The following HDAC9 variants were observed in gnomAD, a reference collection of about 807,000 sequenced individuals.
The protein encoded by HDAC9 is MEF-2 interacting transcription repressor (MITR) protein.
Under a neutral mutation model 139.4 loss-of-function variants are expected in HDAC9, and 41 were observed. The observed-to-expected ratio is 0.29, with a 90% confidence interval of 0.23 to 0.38. The LOEUF (loss-of-function observed/expected upper bound fraction) is 0.38. Ranked by LOEUF, HDAC9 falls within the 10% of genes least tolerant of loss-of-function variation. The probability of loss-of-function intolerance (pLI) is 1.00; values close to 1 mark genes in which losing one functional copy is unlikely to be tolerated. For synonymous variants in HDAC9, 517 were observed against 476.2 expected (o/e 1.09, Z -1.12); for missense variants, 1,147 against 1,297.0 (o/e 0.88, Z 1.78).
intron 2 of HDAC9, among the ~76,000 whole-genome samples, chr7:18,212,694 C>T (rs942139165): frequency 6.6e-6 from 1 of 152,144 alleles, no homozygotes; most frequent in African/African-American, 2.4e-5. Context: ...GTGTTCCTCC[C>T]TTGAGATACT....
At chr7:18,979,563 C>T (rs930873455) in intron 25 of HDAC9, among the ~76,000 whole-genome samples, 2 of 152,098 alleles carry the variant, frequency 1.3e-5, no homozygotes, top group African/African-American at 2.4e-5. Flanking sequence ...GCTGTTCTTG[C>T]ATTGCTATTA....
At chr7:18,195,812 G>A (rs186060034) in intron 2 of HDAC9, among the ~76,000 whole-genome samples, 404 of 152,038 alleles carry the variant, frequency 2.7e-3, no homozygotes, top group South Asian at 7.5e-3. Context: ...TATGTTTGCC[G>A]TTATGTATAA....
At chr7:18,716,030 G>A (rs909606053) in intron 12 of HDAC9, among the ~76,000 whole-genome samples, 1 of 152,134 alleles carries the variant, frequency 6.6e-6, no homozygotes, top group Admixed American at 6.5e-5. Flanking sequence ...CTCTCGTTAT[G>A]ATATTTTATA....
intron 12 of HDAC9, among the ~76,000 whole-genome samples, chr7:18,688,034 C>G (rs1233900540): frequency 6.6e-6 from 1 of 151,756 alleles, no homozygotes; most frequent in African/African-American, 2.4e-5. Context: ...ACTCCACAAA[C>G]AGCCCATATA....
At chr7:18,257,118 A>ATGTGTGTGTGTG (rs150400645) in intron 2 of HDAC9, among the ~76,000 whole-genome samples, 1 of 95,194 alleles carries the variant, frequency 1.1e-5, no homozygotes, top group South Asian at 3.1e-4. Flanking sequence ...GTGTGCATGT[A>ATGTGTGTGTGTG]TGTGTGTGTG....
intron 22 of HDAC9, among the ~76,000 whole-genome samples, chr7:18,913,789 G>A (rs1802946477): frequency 6.6e-6 from 1 of 151,978 alleles, no homozygotes; most frequent in Non-Finnish European, 1.5e-5. Context: ...AGTTAAGGAT[G>A]AAGCATCCAC....
intron 1 of HDAC9, among the ~76,000 whole-genome samples, chr7:18,473,016 T>A (rs1437652987): frequency 6.6e-6 from 1 of 152,212 alleles, no homozygotes; most frequent in African/African-American, 2.4e-5. Flanking sequence ...TAGACTCACC[T>A]GTCTGGGATA....
intron 22 of HDAC9, among the ~76,000 whole-genome samples, chr7:18,889,838 C>T (rs1428879877): frequency 1.3e-5 from 2 of 152,172 alleles, no homozygotes; most frequent in African/African-American, 2.4e-5. Flanking sequence ...GCTAGCACTA[C>T]CGGCCTGTGA....
At chr7:18,286,304 A>G (rs1331836974), upstream of HDAC9, among the ~76,000 whole-genome samples, 4 of 151,550 alleles carry the variant, frequency 2.6e-5, no homozygotes, top group Admixed American at 1.3e-4. Flanking sequence ...ACCAGTTACC[A>G]TGGTTCAATT....
At chr7:18,969,850 T>C (rs956968627) in intron 24 of HDAC9, among the ~76,000 whole-genome samples, 4 of 152,194 alleles carry the variant, frequency 2.6e-5, no homozygotes, top group Admixed American at 6.5e-5. Flanking sequence ...ATTTAACTTA[T>C]TTGTGTTACA....
chr7:18,733,226 C>T (rs1223547933), intron 13 of HDAC9, among the ~76,000 whole-genome samples: 1 of 146,832 alleles, frequency 6.8e-6, no homozygotes, highest in Non-Finnish European at 1.5e-5. Context: ...TACGTATATA[C>T]ACATATATAC....
At chr7:18,977,080 A>T (rs188926765) in intron 25 of HDAC9, among the ~76,000 whole-genome samples, 1 of 152,360 alleles carries the variant, frequency 6.6e-6, no homozygotes, top group Non-Finnish European at 1.5e-5. Flanking sequence ...ATTTTCTCTT[A>T]CCATAACCAC....
chr7:18,827,186 A>G (rs2129204417), intron 17 of HDAC9, among the ~76,000 whole-genome samples: 1 of 152,122 alleles, frequency 6.6e-6, no homozygotes, highest in South Asian at 2.1e-4. Context: ...TATTAATACT[A>G]ACACTTCAAA....
At chr7:18,811,222 C>T (rs559701866) in intron 17 of HDAC9, among the ~76,000 whole-genome samples, 223 of 151,428 alleles carry the variant, frequency 1.5e-3, no homozygotes, top group Middle Eastern at 3.4e-3. Flanking sequence ...ATATTCGTTA[C>T]TTTTTTTCTG....
At chr7:18,816,673 A>G (rs1206183712) in intron 17 of HDAC9, among the ~76,000 whole-genome samples, 3 of 152,062 alleles carry the variant, frequency 2.0e-5, no homozygotes, top group Non-Finnish European at 2.9e-5. Flanking sequence ...AAATCCCCCA[A>G]TCCATTACCA....
chr7:18,732,867 G>GTATATATACAGATA (rs1346336204), intron 13 of HDAC9, among the ~76,000 whole-genome samples: 2 of 99,182 alleles, frequency 2.0e-5, no homozygotes, highest in Admixed American at 9.1e-5. Context: ...GTGCGTATGT[G>GTATATATACAGATA]TACACACACA....
intron 2 of HDAC9, among the ~76,000 whole-genome samples, chr7:18,239,134 T>C (rs1294549324): frequency 6.6e-6 from 1 of 152,134 alleles, no homozygotes; most frequent in East Asian, 1.9e-4. Context: ...TTTTTGTTTT[T>C]TTTTTCCCCC....
At chr7:18,548,696 G>A (rs1018447732) in intron 2 of HDAC9, among the ~76,000 whole-genome samples, 2 of 152,056 alleles carry the variant, frequency 1.3e-5, no homozygotes, top group East Asian at 1.9e-4. Flanking sequence ...AACAACCAGA[G>A]CAATAAGGAA....
chr7:18,407,094 G>C (rs770441664), intron 1 of HDAC9, among the ~76,000 whole-genome samples: 7 of 152,074 alleles, frequency 4.6e-5, no homozygotes, highest in Non-Finnish European at 8.8e-5. Flanking sequence ...CTCACTATAT[G>C]TATTTCTTTC....
Sources: gnomAD v4.1 joint callset for allele counts (sites outside exome capture counted in the v4.1 genomes callset) on GRCh38, gnomAD v4.1.1 for gene constraint, MANE v1.5 for transcripts, NCBI Gene and HGNC (gene_info 2026-07-23, HGNC 2026-07-21) for gene names.